RBM25: variants seen among roughly 807,000 people sequenced by gnomAD.
RBM25 encodes RNA-binding protein 25.
RBM25 carries 19 observed loss-of-function variants against 120.7 expected under a neutral mutation model. The ratio of observed to expected loss-of-function variants is 0.16; its 90% CI spans 0.11 to 0.23. RBM25 has a LOEUF of 0.23. Among genes scored for constraint, RBM25 ranks in the 10% least tolerant of loss-of-function variants. RBM25 has a pLI of 1.00. For synonymous variants in RBM25, 390 were observed against 326.7 expected (o/e 1.19, Z -2.09); for missense variants, 605 against 1,041.5 (o/e 0.58, Z 5.77).
At chr14:73,111,936 C>A in intron 16 of RBM25, 134 bp downstream of exon 16, 1 of 1,222,676 alleles carries the variant, frequency 8.2e-7, no homozygotes, top group Non-Finnish European at 1.1e-6. Flanking sequence ...TTGACACCAA[C>A]TCAATGCCAT....
At chr14:73,112,724 T>C (rs1423956456) in intron 17 of RBM25, among the ~76,000 whole-genome samples, 2 of 152,194 alleles carry the variant, frequency 1.3e-5, no homozygotes, top group Non-Finnish European at 2.9e-5. Context: ...ACGATCAGTG[T>C]TTATTGACTG....
intron 18 of RBM25, 46 bp downstream of exon 18, chr14:73,114,379 GT>G (rs1896378824): frequency 4.9e-6 from 7 of 1,439,016 alleles, no homozygotes; most frequent in Middle Eastern, 2.4e-4. Flanking sequence ...TTTAAAAAAA[GT>G]TTTTGGTTTT....
rs1273416106 is a variant in RBM25, at chr14:73,083,610, C to G, written c.382+59C>G. 6 of 1,234,498 alleles carry G rather than the reference C, an allele frequency of 4.9e-6. No individual in the cohort carries two copies. The Admixed American group carries it at 8.1e-5, about 17-fold the overall frequency. 76.5% of individuals were successfully genotyped at this position (1,234,498 alleles called of 1,614,324 possible). On this transcript the variant is annotated intron_variant, in intron 5 of 18. Transcript: ENST00000261973. ...CTTTAACTAACCTGTGTGCTTAAATCACTTTGCATGACTTAACTCTCATTG... is the reference window on the plus strand; with the variant it reads ...CTTTAACTAACCTGTGTGCTTAAATGACTTTGCATGACTTAACTCTCATTG...
intron 1 of RBM25, among the ~76,000 whole-genome samples, chr14:73,070,676 C>T (rs1473943040): frequency 3.9e-5 from 6 of 151,946 alleles, no homozygotes; most frequent in Non-Finnish European, 2.9e-5. Flanking sequence ...GGGCCGGGCG[C>T]GGTGGCTCAG....
At chr14:73,115,025 C>T (rs1210709319) in intron 18 of RBM25, among the ~76,000 whole-genome samples, 1 of 152,164 alleles carries the variant, frequency 6.6e-6, no homozygotes, top group African/African-American at 2.4e-5. Flanking sequence ...TATACAGGTA[C>T]TGGAACCTTG....
At chr14:73,105,038 T>TACACACACAC (rs57281649) in intron 10 of RBM25, among the ~76,000 whole-genome samples, 6,809 of 141,178 alleles carry the variant, frequency 0.048, 385 homozygotes, top group African/African-American at 0.14. Context: ...ACATATTAAA[T>TACACACACAC]ACACACACAC....
At chr14:73,103,948 T>TCTCTCTCTCTCTCTCA (rs1594928335) in intron 10 of RBM25, among the ~76,000 whole-genome samples, 3 of 91,350 alleles carry the variant, frequency 3.3e-5, no homozygotes, top group Non-Finnish European at 4.9e-5. Context: ...TCTCTCTCTC[T>TCTCTCTCTCTCTCTCA]CACACACACA....
intron 4 of RBM25, among the ~76,000 whole-genome samples, chr14:73,080,751 G>A (rs1034601165): frequency 6.6e-6 from 1 of 151,586 alleles, no homozygotes; most frequent in South Asian, 2.1e-4. Context: ...GTATTATTAT[G>A]TAAATAGTTT....
At position 73,103,323 on chromosome 14, in the gene RBM25, T is replaced by G; in HGVS notation, c.999T>G (p.Arg333=). Residue 333 remains arginine, a synonymous_variant, in exon 10 of 19, where the codon CGT becomes CGG. Coordinates refer to ENST00000261973, the MANE Select transcript of RBM25 (RefSeq NM_021239.3). ...GGGAACGAGAAAGGGAAAGAGAACG[T>G]GAACGAGAAAAGGAGAAAGAACGGG... The part of the protein sequence containing the change: ...RERERERERE[R]EREKEKERER... The G allele has an allele frequency of 6.3e-7, 1 of 1,585,210 alleles. No individual in the cohort carries two copies. Among genetic ancestry groups the G allele is most frequent in the Non-Finnish European group, 8.6e-7 (1 of 1,164,602 alleles).
At chr14:73,074,906 G>A (rs757790083) in intron 2 of RBM25, among the ~76,000 whole-genome samples, 3 of 151,314 alleles carry the variant, frequency 2.0e-5, no homozygotes, top group East Asian at 1.9e-4. Context: ...GGGTTTTGCC[G>A]TGTTGGCTCA....
At chr14:73,102,369 G>A (rs1480332594) in intron 9 of RBM25, 1 of 152,182 alleles carries the variant, frequency 6.6e-6, no homozygotes, top group Non-Finnish European at 1.5e-5. Flanking sequence ...CAGAAACATA[G>A]CTTGTAGGCA....
intron 1 of RBM25, 74 bp from the exon 2 acceptor site, chr14:73,071,553 A>G: frequency 9.5e-7 from 1 of 1,056,878 alleles, no homozygotes; most frequent in Non-Finnish European, 1.4e-6. Flanking sequence ...TCTAAAAATG[A>G]AAGTCAACAA....
intron 4 of RBM25, 123 bp from the exon 5 acceptor site, chr14:73,083,371 T>C (rs1895608378): frequency 4.2e-6 from 3 of 707,272 alleles, no homozygotes; most frequent in Non-Finnish European, 6.5e-6. Flanking sequence ...TTTTCGCAAA[T>C]GTAGTTGCTG....
At chr14:73,072,224 C>T (rs1324947120) in intron 2 of RBM25, among the ~76,000 whole-genome samples, 3 of 151,796 alleles carry the variant, frequency 2.0e-5, no homozygotes, top group African/African-American at 4.8e-5. Flanking sequence ...TGCCGGCCTC[C>T]GGCTCCCAAA....
intron 1 of RBM25, chr14:73,068,477 T>C (rs1042392751): frequency 2.1e-5 from 18 of 873,298 alleles, no homozygotes; most frequent in African/African-American, 1.7e-4. Context: ...ATCCAAGTTT[T>C]GACGTATTGT....
At chr14:73,081,663 CTT>C (rs1206027660) in intron 4 of RBM25, among the ~76,000 whole-genome samples, 2 of 152,156 alleles carry the variant, frequency 1.3e-5, no homozygotes, top group Non-Finnish European at 2.9e-5. Context: ...TGGTTGGTAA[CTT>C]TTCTGAATCT....
intron 4 of RBM25, 145 bp from the exon 5 acceptor site, chr14:73,083,349 G>A: frequency 1.8e-6 from 1 of 557,634 alleles, no homozygotes; most frequent in Non-Finnish European, 3.0e-6. Flanking sequence ...AAGTTTGTGG[G>A]AATTGCAAAA....
At chr14:73,109,247 G>T (rs1170251387) in intron 13 of RBM25, 95 bp from the exon 14 acceptor site, 2 of 1,316,184 alleles carry the variant, frequency 1.5e-6, no homozygotes, top group Admixed American at 4.1e-5. Flanking sequence ...TAGCATGCAG[G>T]TTGTAATGTT....
chr14:73,103,311 G>A lies in RBM25; in HGVS notation c.987G>A (p.Arg329=), dbSNP rs370213288. Reference sequence around the variant, plus strand: ...AAAGGCGAGAACGGGAACGAGAAAGGGAAAGAGAACGTGAACGAGAAAAGG... The same window carrying A: ...AAAGGCGAGAACGGGAACGAGAAAGAGAAAGAGAACGTGAACGAGAAAAGG... ...ERERRERERE[R]EREREREKEK... is the part of the protein sequence containing the mutation. Residue 329 remains arginine, a synonymous_variant, in exon 10 of 19, where the codon AGG becomes AGA. Coordinates refer to ENST00000261973, the MANE Select transcript of RBM25 (RefSeq NM_021239.3). 6.3e-7 allele frequency: 1 copy of A among 1,583,864 alleles called. No individual in the cohort carries two copies. Among genetic ancestry groups the A allele is most frequent in the Non-Finnish European group, 8.6e-7 (1 of 1,163,668 alleles).
Sources: allele counts gnomAD v4.1 joint callset (sites outside exome capture counted in the v4.1 genomes callset), GRCh38; gene constraint gnomAD v4.1.1; transcripts MANE v1.5; gene names NCBI Gene and HGNC (gene_info 2026-07-23, HGNC 2026-07-21).